AFF3: variants seen among roughly 807,000 people sequenced by gnomAD.
AFF3 encodes ALF transcription elongation factor 3.
A neutral mutation model predicts 129.7 loss-of-function variants in AFF3; 32 were observed. The ratio of observed to expected loss-of-function variants is 0.25; its 90% CI spans 0.19 to 0.33. AFF3 has a LOEUF of 0.33. Ranked by LOEUF, AFF3 falls within the 10% of genes least tolerant of loss-of-function variation. The pLI, the probability that AFF3 is intolerant of heterozygous loss-of-function variation, is 1.00. For synonymous variants in AFF3, 644 were observed against 635.4 expected (o/e 1.01, Z -0.20); for missense variants, 1,373 against 1,592.0 (o/e 0.86, Z 2.34).
In AFF3 at chr2:99,817,380, T is replaced by G. The variant is rs111982173; in HGVS notation, c.921+20097A>C. ...TGTAAGCAAATGTCCAAGTCCTGCT[T>G]CTTCCTGACACGTCTATCTCTCTTC... On this transcript the variant is annotated intron_variant, in intron 8 of 24. Coordinates refer to ENST00000672756, the MANE Select transcript of AFF3 (RefSeq NM_001386135.1). Among the ~76,000 whole-genome samples the G allele has an allele frequency of 5.0e-3, 760 of 152,324 alleles. 3 individuals carry two copies. The highest frequency in any genetic ancestry group is 0.018 in the African/African-American group (734 of 41,574).
intron 11 of AFF3, among the ~76,000 whole-genome samples, chr2:99,691,700 G>A (rs780425603): frequency 1.3e-5 from 2 of 152,174 alleles, no homozygotes; most frequent in Non-Finnish European, 2.9e-5. Flanking sequence ...TGTGGGGATA[G>A]AGTTGCAAAA....
intron 8 of AFF3, 113 bp from the exon 9 acceptor site, chr2:99,752,414 A>T: frequency 1.3e-6 from 1 of 747,948 alleles, no homozygotes; most frequent in Non-Finnish European, 2.2e-6. Flanking sequence ...GGGTTAAAAA[A>T]TGTACAAAGG....
intron 7 of AFF3, among the ~76,000 whole-genome samples, chr2:99,923,710 CA>C (rs1696026655): frequency 6.6e-6 from 1 of 151,966 alleles, no homozygotes; most frequent in Admixed American, 6.6e-5. Flanking sequence ...AAAAAATTCC[CA>C]AAATATAAAA....
At chr2:99,764,209 G>C (rs7424181) in intron 8 of AFF3, among the ~76,000 whole-genome samples, 1 of 152,046 alleles carries the variant, frequency 6.6e-6, no homozygotes, top group African/African-American at 2.4e-5. Context: ...TACTTCCTTT[G>C]CATCATCAAA....
intron 13 of AFF3, among the ~76,000 whole-genome samples, chr2:99,636,506 C>T (rs917365534): frequency 1.3e-5 from 2 of 152,220 alleles, no homozygotes; most frequent in Admixed American, 6.5e-5. Flanking sequence ...TACTGCCTCT[C>T]GGGATGAGAG....
intron 7 of AFF3, among the ~76,000 whole-genome samples, chr2:99,996,122 T>C (rs1163219488): frequency 2.0e-5 from 3 of 152,170 alleles, no homozygotes; most frequent in Admixed American, 2.0e-4. Context: ...AAATAAATTA[T>C]AGGATAAAAT....
chr2:99,585,758 C>A (rs1449720246), intron 16 of AFF3, among the ~76,000 whole-genome samples: 1 of 151,946 alleles, frequency 6.6e-6, no homozygotes, highest in East Asian at 1.9e-4. Context: ...TGAGATGGAA[C>A]CTCTCTGTCG....
chr2:100,045,549 G>A (rs886785966), intron 4 of AFF3, among the ~76,000 whole-genome samples: 3 of 151,276 alleles, frequency 2.0e-5, no homozygotes, highest in South Asian at 2.1e-4. Context: ...AAAACTGCAT[G>A]GGTCCACTTA....
intron 23 of AFF3, 29 bp from the exon 24 acceptor site, chr2:99,554,563 G>A: frequency 6.2e-7 from 1 of 1,609,214 alleles, no homozygotes; most frequent in Non-Finnish European, 8.5e-7. Flanking sequence ...AAAAACCAGA[G>A]TGGCGAGGTC....
chr2:99,817,681 C>G (rs139008720), intron 8 of AFF3, among the ~76,000 whole-genome samples: 56 of 152,292 alleles, frequency 3.7e-4, no homozygotes, highest in African/African-American at 1.3e-3. Flanking sequence ...GCCACGGTGC[C>G]CAGCCTGTTG....
At chr2:99,996,153 A>T (rs187000868) in intron 7 of AFF3, among the ~76,000 whole-genome samples, 3 of 152,264 alleles carry the variant, frequency 2.0e-5, no homozygotes, top group Admixed American at 2.0e-4. Flanking sequence ...GTCCAAATAA[A>T]TGAGATGCTG....
At chr2:100,058,022 A>G (rs1686950473) in intron 4 of AFF3, among the ~76,000 whole-genome samples, 1 of 152,222 alleles carries the variant, frequency 6.6e-6, no homozygotes, top group Non-Finnish European at 1.5e-5. Flanking sequence ...TGAGAAAAGG[A>G]CTGACCCAAG....
chr2:99,744,329 T>G (rs948906551), intron 9 of AFF3, among the ~76,000 whole-genome samples, 189 bp from the exon 10 acceptor site: 1 of 152,202 alleles, frequency 6.6e-6, no homozygotes, highest in Non-Finnish European at 1.5e-5. Flanking sequence ...GGAATATACT[T>G]CACAATCATT....
At chr2:99,659,854 G>A (rs538986886) in intron 12 of AFF3, among the ~76,000 whole-genome samples, 6 of 152,192 alleles carry the variant, frequency 3.9e-5, no homozygotes, top group Middle Eastern at 3.4e-3. Context: ...CGCAGAAACC[G>A]CTGCTTCGTG....
chr2:99,690,396 T>C (rs1010218244), intron 11 of AFF3, among the ~76,000 whole-genome samples: 4 of 151,748 alleles, frequency 2.6e-5, no homozygotes, highest in Non-Finnish European at 4.4e-5. Context: ...TTAGCCAGGA[T>C]GGTCTCGATC....
At chr2:99,880,490 G>A (rs527759338) in intron 7 of AFF3, among the ~76,000 whole-genome samples, 2 of 152,314 alleles carry the variant, frequency 1.3e-5, no homozygotes, top group East Asian at 1.9e-4. Context: ...GGTGGTGGGT[G>A]GAAATCAAGG....
chr2:99,867,758 C>T (rs902942206), intron 7 of AFF3, among the ~76,000 whole-genome samples: 3 of 152,174 alleles, frequency 2.0e-5, no homozygotes, highest in African/African-American at 7.2e-5. Context: ...CTCACCATCT[C>T]TTCCATCCAT....
At chr2:99,846,790 A>T (rs906561135) in intron 7 of AFF3, among the ~76,000 whole-genome samples, 1 of 152,218 alleles carries the variant, frequency 6.6e-6, no homozygotes, top group Non-Finnish European at 1.5e-5. Flanking sequence ...CATTTTGCTA[A>T]AAGAGCAGAC....
At chr2:99,854,936 C>A (rs1269463651) in intron 7 of AFF3, among the ~76,000 whole-genome samples, 2 of 152,182 alleles carry the variant, frequency 1.3e-5, no homozygotes, top group Non-Finnish European at 2.9e-5. Context: ...GAACAACTGG[C>A]TACCCATATG....
Sources: allele counts gnomAD v4.1 joint callset (sites outside exome capture counted in the v4.1 genomes callset), GRCh38; gene constraint gnomAD v4.1.1; transcripts MANE v1.5; gene names NCBI Gene and HGNC (gene_info 2026-07-23, HGNC 2026-07-21).